ARHGAP24: variants seen among roughly 807,000 people sequenced by gnomAD.
The protein encoded by ARHGAP24 is rho GTPase-activating protein 24.
A neutral mutation model predicts 76.4 loss-of-function variants in ARHGAP24; 50 were observed. That is an observed-to-expected ratio of 0.65 (90% confidence interval 0.52 to 0.83). The LOEUF (loss-of-function observed/expected upper bound fraction) is 0.83, where lower values mean the gene tolerates loss of function less well. ARHGAP24 is among the 40% of genes least tolerant of loss of function. The pLI, the probability that ARHGAP24 is intolerant of heterozygous loss-of-function variation, is 0.00. For missense variants in ARHGAP24, 930 were observed against 914.2 expected (o/e 1.02, Z -0.22); for synonymous variants, 345 against 323.3 (o/e 1.07, Z -0.72).
At chr4:85,939,656 G>A (rs182799822) in intron 4 of ARHGAP24, among the ~76,000 whole-genome samples, 15 of 152,212 alleles carry the variant, frequency 9.9e-5, no homozygotes, top group Admixed American at 2.6e-4. Flanking sequence ...CCGAATTCAC[G>A]TCTAAAGCAA....
intron 2 of ARHGAP24, among the ~76,000 whole-genome samples, chr4:85,667,453 A>G (rs560417709): frequency 6.6e-6 from 1 of 152,148 alleles, no homozygotes; most frequent in Non-Finnish European, 1.5e-5. Context: ...GTGCTTCCTG[A>G]GGGAGGCAAT....
intron 3 of ARHGAP24, among the ~76,000 whole-genome samples, chr4:85,846,157 G>A (rs893508923): frequency 6.6e-6 from 1 of 151,960 alleles, no homozygotes; most frequent in African/African-American, 2.4e-5. Context: ...CGCCCGCCTC[G>A]GCCTCCCAAA....
At chr4:85,540,240 T>G (rs1334792695) in intron 1 of ARHGAP24, among the ~76,000 whole-genome samples, 1 of 152,052 alleles carries the variant, frequency 6.6e-6, no homozygotes, top group Non-Finnish European at 1.5e-5. Context: ...CATATCAATA[T>G]TTATAAATAA....
chr4:85,645,099 C>T (rs1721674264), intron 2 of ARHGAP24, among the ~76,000 whole-genome samples: 1 of 152,076 alleles, frequency 6.6e-6, no homozygotes, highest in Non-Finnish European at 1.5e-5. Context: ...AATCAGTGGA[C>T]ATCTGTTCAT....
intron 2 of ARHGAP24, among the ~76,000 whole-genome samples, chr4:85,613,401 A>G (rs1377481157): frequency 6.6e-6 from 1 of 152,200 alleles, no homozygotes; most frequent in Non-Finnish European, 1.5e-5. Flanking sequence ...TTAAATGCCT[A>G]TTAGGTGTCA....
intron 1 of ARHGAP24, among the ~76,000 whole-genome samples, chr4:85,547,872 A>G (rs1459614635): frequency 6.6e-6 from 1 of 152,196 alleles, no homozygotes; most frequent in Non-Finnish European, 1.5e-5. Context: ...TCAAACTTCT[A>G]CCTACTAGTT....
intron 3 of ARHGAP24, among the ~76,000 whole-genome samples, chr4:85,847,007 A>G (rs1730932253): frequency 2.0e-5 from 3 of 152,204 alleles, no homozygotes; most frequent in African/African-American, 7.2e-5. Flanking sequence ...AACTGGTTCT[A>G]TAAACAAAAG....
intron 2 of ARHGAP24, among the ~76,000 whole-genome samples, chr4:85,599,030 A>G (rs1719942268): frequency 6.6e-6 from 1 of 152,124 alleles, no homozygotes; most frequent in South Asian, 2.1e-4. Flanking sequence ...ATCTATGTGT[A>G]TTTTACACTT....
intron 2 of ARHGAP24, among the ~76,000 whole-genome samples, chr4:85,660,809 A>AAAAAAAAAAAAT (rs1722354182): frequency 6.6e-6 from 1 of 150,458 alleles, no homozygotes; most frequent in Non-Finnish European, 1.5e-5. Context: ...AAAAAAAAAA[A>AAAAAAAAAAAAT]AAAAAAAATC....
chr4:85,564,965 TATATAC>T (rs1726775534), intron 1 of ARHGAP24, among the ~76,000 whole-genome samples: 2 of 121,628 alleles, frequency 1.6e-5, no homozygotes, highest in African/African-American at 7.1e-5. Context: ...TATATATATA[TATATAC>T]CCACACCCAC....
chr4:85,874,812 TTA>T (rs1489605866), intron 3 of ARHGAP24, among the ~76,000 whole-genome samples: 1 of 62,288 alleles, frequency 1.6e-5, no homozygotes, highest in African/African-American at 7.0e-5. Flanking sequence ...TAAAATATAT[TTA>T]TATATAATTT....
chr4:85,694,004 C>T (rs1484067274), intron 2 of ARHGAP24, among the ~76,000 whole-genome samples: 1 of 152,182 alleles, frequency 6.6e-6, no homozygotes, highest in Non-Finnish European at 1.5e-5. Flanking sequence ...TCACCCACTC[C>T]TTCCCCAGGA....
chr4:85,827,517 T>TGTGTGTGTGTGTGTG (rs1553933033), intron 3 of ARHGAP24, among the ~76,000 whole-genome samples: 93 of 126,176 alleles, frequency 7.4e-4, no homozygotes, highest in South Asian at 1.5e-3. Context: ...TGTGTGTGTG[T>TGTGTGTGTGTGTGTG]TTAGAGAGAG....
At chr4:85,987,644 A>C (rs934351004) in intron 8 of ARHGAP24, among the ~76,000 whole-genome samples, 7 of 152,084 alleles carry the variant, frequency 4.6e-5, no homozygotes, top group Non-Finnish European at 8.8e-5. Flanking sequence ...AGAATTTCTA[A>C]GGATGAAAAT....
chr4:85,746,818 A>AT (rs372198312), intron 3 of ARHGAP24, among the ~76,000 whole-genome samples: 2,264 of 151,540 alleles, frequency 0.015, 50 homozygotes, highest in African/African-American at 0.052. Context: ...TGCCTGGCTA[A>AT]TTTTTTTTGT....
At chr4:85,785,526 G>A (rs2110089397) in intron 3 of ARHGAP24, among the ~76,000 whole-genome samples, 1 of 97,654 alleles carries the variant, frequency 1.0e-5, no homozygotes, top group East Asian at 2.9e-4. Context: ...AGAGCAGCAA[G>A]AAAAGTAAAA....
chr4:85,513,069 G>A (rs981874560), intron 1 of ARHGAP24, among the ~76,000 whole-genome samples: 2 of 152,172 alleles, frequency 1.3e-5, no homozygotes, highest in African/African-American at 4.8e-5. Flanking sequence ...TCCCTCTGTG[G>A]CACAACTGTC....
chr4:85,868,565 G>A (rs1269522495), intron 3 of ARHGAP24, among the ~76,000 whole-genome samples: 2 of 152,104 alleles, frequency 1.3e-5, no homozygotes, highest in Non-Finnish European at 2.9e-5. Flanking sequence ...ATATTTATGA[G>A]TGGATATTAT....
intron 1 of ARHGAP24, among the ~76,000 whole-genome samples, chr4:85,541,141 CCT>C (rs1725672417): frequency 2.0e-5 from 2 of 101,198 alleles, no homozygotes; most frequent in Non-Finnish European, 3.6e-5. Flanking sequence ...GCATCCATGA[CCT>C]TTTTTTTTTT....
Sources: gnomAD v4.1 joint callset for allele counts (sites outside exome capture counted in the v4.1 genomes callset) on GRCh38, gnomAD v4.1.1 for gene constraint, MANE v1.5 for transcripts, NCBI Gene and HGNC (gene_info 2026-07-23, HGNC 2026-07-21) for gene names.